Variants in AR observed in about 807,000 individuals in gnomAD.
AR encodes the protein dihydrotestosterone receptor.
A neutral mutation model predicts 53.9 loss-of-function variants in AR; 8 were observed. The observed-to-expected ratio is 0.15, with a 90% CI of 0.09 to 0.27. AR has a LOEUF of 0.27. Among genes scored for constraint, AR ranks in the 10% least tolerant of loss-of-function variants. The pLI, the probability that AR is intolerant of heterozygous loss-of-function variation, is 1.00. For missense variants in AR, 639 were observed against 742.5 expected, an observed-to-expected ratio of 0.86 and a Z score of 1.62; for synonymous variants, 359 against 316.4, an observed-to-expected ratio of 1.13 and a Z score of -1.43.
Position 67,695,795 on chromosome X carries a change from CA to C in AR, c.1885+9671del, listed in dbSNP as rs2076017761. 8 of 735,834 alleles carry C rather than the reference CA, an allele frequency of 1.1e-5. No homozygotes were observed. In the South Asian group the frequency reaches 2.1e-4, roughly 20 times the overall value. 60.6% of individuals were successfully genotyped at this position (735,834 alleles called of 1,213,427 possible). A position where few individuals can be genotyped will look rare whatever the true frequency, so the allele number is the denominator to read the frequency against. ...CACGCTCTCTCTCTCTCTCCCCCCC[CA>C]ACACACACACACTCTCTCTCTCTCT... On this transcript the variant is annotated intron_variant, in intron 3 of 7. Transcript: ENST00000374690.
At chrX:67,566,210 T>C (rs1182531853) in intron 1 of AR, among the ~76,000 whole-genome samples, 1 of 112,102 alleles carries the variant, frequency 8.9e-6, no homozygotes, top group East Asian at 2.8e-4. Context: ...AATTATTTTA[T>C]TCATCAATAC....
chrX:67,628,227 C>A (rs1924812754), intron 1 of AR, among the ~76,000 whole-genome samples: 1 of 108,618 alleles, frequency 9.2e-6, no homozygotes, highest in Non-Finnish European at 1.9e-5. Flanking sequence ...TTACCTTGGG[C>A]AGTATGGCCA....
chrX:67,622,841 G>A (rs1015853232), intron 1 of AR, among the ~76,000 whole-genome samples: 1 of 111,844 alleles, frequency 8.9e-6, no homozygotes, highest in Non-Finnish European at 1.9e-5. Context: ...CACTTTTGCA[G>A]CATTTCTTTT....
At chrX:67,681,932 C>T (rs147197302) in intron 2 of AR, among the ~76,000 whole-genome samples, 68 of 112,237 alleles carry the variant, frequency 6.1e-4, no homozygotes, top group Admixed American at 1.7e-3. Context: ...GATGGTTCAA[C>T]ATATGCAAAT....
intron 1 of AR, among the ~76,000 whole-genome samples, chrX:67,598,468 A>G (rs1923185186): frequency 9.1e-6 from 1 of 109,943 alleles, no homozygotes; most frequent in African/African-American, 3.3e-5. Flanking sequence ...TTTAGTAGAG[A>G]CGGGGTTTCA....
At chrX:67,711,724 G>C (rs2076094839) in intron 4 of AR, 35 bp downstream of exon 4, 1 of 1,171,362 alleles carries the variant, frequency 8.5e-7, no homozygotes, top group Non-Finnish European at 1.1e-6. Flanking sequence ...TGAGATAAGG[G>C]GGATCATATT....
Position 67,723,743 on chromosome X carries a change from A to C in AR, c.2665A>C (p.Ser889Arg), listed in dbSNP as rs1016106226. 2 of 1,210,737 alleles carry C rather than the reference A, an allele frequency of 1.7e-6. No homozygotes were observed. Among genetic ancestry groups the C allele is most frequent in the African/African-American group, 1.7e-5 (1 of 57,563 alleles). Residue 889 changes from serine (S) to arginine (R), a missense_variant, in exon 8 of 8, where the codon AGC becomes CGC. Around this residue, in one of 5 missense-constraint regions of AR, gnomAD observed 95 missense variants for 196.4 expected, o/e 0.48. Transcript: ENST00000374690. ...FDLLIKSHMV[S>R]VDFPEMMAEI... Reference sequence around the variant, plus strand: ...CCTGCTAATCAAGTCACACATGGTGAGCGTGGACTTTCCGGAAATGATGGC... The same window carrying C: ...CCTGCTAATCAAGTCACACATGGTGCGCGTGGACTTTCCGGAAATGATGGC...
rs900790666 is a variant in AR, at chrX:67,724,064, C to T, written c.*223C>T. On this transcript the variant is annotated 3_prime_UTR_variant, in exon 8 of 8. Transcript: ENST00000374690. ...TCCCTATCTAACCCTCCCATGGCAC[C>T]TTCAGACTTTGCTTCCCATTGTGGC... The T allele has an allele frequency of 9.1e-6, 4 of 439,269 alleles. No individual in the cohort carries two copies. The highest frequency in any genetic ancestry group is 5.0e-5 in the African/African-American group (2 of 39,694). The allele number at this position is 439,269 out of a possible 1,213,427, so 36.2% of individuals were successfully genotyped here.
chrX:67,691,491 G>T (rs2075995204), intron 3 of AR, among the ~76,000 whole-genome samples: 1 of 112,118 alleles, frequency 8.9e-6, no homozygotes, highest in Non-Finnish European at 1.9e-5. Context: ...GAATACTGCG[G>T]TAAAGTAACC....
chrX:67,670,708 A>G (rs1300150794), intron 2 of AR, among the ~76,000 whole-genome samples: 2 of 110,542 alleles, frequency 1.8e-5, no homozygotes, highest in Non-Finnish European at 3.8e-5. Context: ...TCAACCTGCC[A>G]TATACATTAA....
At chrX:67,643,530 C>A (rs953060568) in intron 2 of AR, 123 bp downstream of exon 2, 1 of 1,006,433 alleles carries the variant, frequency 9.9e-7, no homozygotes, top group Non-Finnish European at 1.3e-6. Flanking sequence ...AAGGCCCTAT[C>A]AAATAACTTA....
At chrX:67,693,825 A>T (rs1304149727) in intron 3 of AR, among the ~76,000 whole-genome samples, 63 of 112,261 alleles carry the variant, frequency 5.6e-4, no homozygotes, top group Non-Finnish European at 2.3e-4. Flanking sequence ...TACTTTTTAG[A>T]TCTCAACCAA....
At chrX:67,657,858 A>T (rs1346032045) in intron 2 of AR, among the ~76,000 whole-genome samples, 2 of 111,658 alleles carry the variant, frequency 1.8e-5, no homozygotes, top group African/African-American at 6.5e-5. Context: ...GGTTGTATTC[A>T]TGTCCTTTTT....
intron 2 of AR, among the ~76,000 whole-genome samples, chrX:67,681,922 G>A (rs1042040648): frequency 3.8e-4 from 43 of 112,259 alleles, no homozygotes; most frequent in African/African-American, 1.1e-3. Flanking sequence ...AGAATGCAAG[G>A]ATGGTTCAAC....
chrX:67,587,486 A>G (rs1288994344), intron 1 of AR, among the ~76,000 whole-genome samples: 1 of 112,217 alleles, frequency 8.9e-6, no homozygotes, highest in African/African-American at 3.2e-5. Flanking sequence ...GTTCCAGTAC[A>G]GATTTTATTT....
At chrX:67,550,562 G>A (rs758795817) in intron 1 of AR, among the ~76,000 whole-genome samples, 19 of 109,271 alleles carry the variant, frequency 1.7e-4, no homozygotes, top group African/African-American at 6.0e-4. Flanking sequence ...AGTTTCATTC[G>A]GAACCTTGCA....
intron 2 of AR, among the ~76,000 whole-genome samples, chrX:67,648,570 C>A (rs186057867): frequency 1.8e-5 from 2 of 111,735 alleles, no homozygotes; most frequent in East Asian, 5.7e-4. Context: ...CACGACTAGA[C>A]CACAGGCTTG....
rs149154110 is a variant in AR, at chrX:67,577,185, G to T, written c.1616+30423G>T. ...TGTACTTTCTGTCTCTATAGATTTA[G>T]CCATTCTGGACATTTCATGTAAACA... On this transcript the variant is annotated intron_variant, in intron 1 of 7. Transcript: ENST00000374690. Among the ~76,000 whole-genome samples, 274 of 109,632 alleles carry T rather than the reference G, an allele frequency of 2.5e-3. 1 individual carries two copies. The highest frequency in any genetic ancestry group is 0.019 in the Middle Eastern group (4 of 216).
intron 1 of AR, among the ~76,000 whole-genome samples, chrX:67,585,029 G>C (rs748441389): frequency 9.0e-6 from 1 of 111,536 alleles, no homozygotes; most frequent in African/African-American, 3.3e-5. Context: ...GTTGAGATGG[G>C]TGGATCACCT....
Sources: allele counts gnomAD v4.1 joint callset (sites outside exome capture counted in the v4.1 genomes callset), GRCh38; gene constraint gnomAD v4.1.1; regional missense constraint gnomAD v4.1.1; transcripts MANE v1.5; gene names NCBI Gene and HGNC (gene_info 2026-07-23, HGNC 2026-07-21).